Variants in RANBP2 observed in about 807,000 individuals in gnomAD.
RANBP2 encodes E3 SUMO-protein ligase RanBP2.
Under a neutral mutation model 303.6 loss-of-function variants are expected in RANBP2, and 57 were observed. That is an observed-to-expected ratio of 0.19 (90% CI 0.15 to 0.23). The LOEUF is 0.23. Ranked by LOEUF, RANBP2 falls within the 10% of genes least tolerant of loss-of-function variation. The pLI is 1.00. For missense variants in RANBP2, 3,138 were observed against 3,780.8 expected (o/e 0.83, Z 4.46); for synonymous variants, 1,167 against 1,301.5 (o/e 0.90, Z 2.23).
intron 6 of RANBP2, among the ~76,000 whole-genome samples, chr2:108,737,320 T>C (rs1695668858): frequency 6.8e-6 from 1 of 147,218 alleles, no homozygotes; most frequent in African/African-American, 2.6e-5. Context: ...GGTTCCTTTT[T>C]TTCTTTCTTT....
chr2:108,958,971 G>A, the RANBP2 span, among the ~76,000 whole-genome samples: 1 of 152,346 alleles, frequency 6.6e-6, no homozygotes, highest in Non-Finnish European at 1.5e-5. Context: ...TCCTCAAGAA[G>A]TGGCCTCCAT....
At chr2:108,728,595 T>TATGATGGTGATG (rs148282033) in intron 1 of RANBP2, among the ~76,000 whole-genome samples, 2 of 145,614 alleles carry the variant, frequency 1.4e-5, no homozygotes, top group African/African-American at 5.1e-5. Flanking sequence ...CCAGCTTATT[T>TATGATGGTGATG]ATGATGATGA....
chr2:108,955,730 T>A, the RANBP2 span, among the ~76,000 whole-genome samples: 1 of 149,048 alleles, frequency 6.7e-6, no homozygotes, highest in Non-Finnish European at 1.5e-5. Flanking sequence ...TACAATAACA[T>A]AAAATAAAAT....
At chr2:109,577,079 T>C in the RANBP2 span, among the ~76,000 whole-genome samples, 1 of 151,660 alleles carries the variant, frequency 6.6e-6, no homozygotes, top group South Asian at 2.1e-4. Flanking sequence ...TTAAAAGCAT[T>C]AGAGGAAAAA....
At chr2:109,213,269 C>T in the RANBP2 span, among the ~76,000 whole-genome samples, 1 of 152,322 alleles carries the variant, frequency 6.6e-6, no homozygotes, top group East Asian at 1.9e-4. Context: ...GGCTCTTCCT[C>T]CCTCTTTGCC....
chr2:109,395,749 G>A, the RANBP2 span, among the ~76,000 whole-genome samples: 1 of 152,228 alleles, frequency 6.6e-6, no homozygotes. Flanking sequence ...GAGGGGCCAG[G>A]CACTGTGCTT....
the RANBP2 span, among the ~76,000 whole-genome samples, chr2:109,027,235 T>C: frequency 8.0e-6 from 1 of 125,460 alleles, no homozygotes; most frequent in Admixed American, 9.0e-5. Context: ...AGAGTGAGGC[T>C]CTGTCTCAAA....
At chr2:109,248,884 C>G in the RANBP2 span, among the ~76,000 whole-genome samples, 1 of 81,394 alleles carries the variant, frequency 1.2e-5, no homozygotes, top group Non-Finnish European at 2.5e-5. Flanking sequence ...CCTTTCCTGT[C>G]CTTTCCTGTC....
At chr2:108,788,483 C>T (rs1457444844), downstream of RANBP2, among the ~76,000 whole-genome samples, 2 of 151,040 alleles carry the variant, frequency 1.3e-5, no homozygotes, top group African/African-American at 2.4e-5. Flanking sequence ...CTTTGGGAGG[C>T]GAGGCGGGCG....
chr2:108,986,045 C>G, the RANBP2 span, among the ~76,000 whole-genome samples: 1 of 152,194 alleles, frequency 6.6e-6, no homozygotes, highest in African/African-American at 2.4e-5. Context: ...GTCAGCTATC[C>G]TTGGGTAATG....
chr2:109,036,447 T>C, the RANBP2 span, among the ~76,000 whole-genome samples: 3 of 152,238 alleles, frequency 2.0e-5, no homozygotes, highest in Admixed American at 6.5e-5. Flanking sequence ...AACAAAATTT[T>C]GTAAACCTAA....
At chr2:109,034,493 G>C in the RANBP2 span, among the ~76,000 whole-genome samples, 1 of 152,162 alleles carries the variant, frequency 6.6e-6, no homozygotes, top group Non-Finnish European at 1.5e-5. Context: ...GCTATGGCAA[G>C]AGAGGCGAAG....
chr2:109,312,690 GT>G, the RANBP2 span, among the ~76,000 whole-genome samples: 1 of 152,214 alleles, frequency 6.6e-6, no homozygotes, highest in East Asian at 1.9e-4. Context: ...GGATCATAGA[GT>G]ATATCAGAAT....
At chr2:109,089,542 G>A in the RANBP2 span, among the ~76,000 whole-genome samples, 1 of 152,108 alleles carries the variant, frequency 6.6e-6, no homozygotes, top group African/African-American at 2.4e-5. Context: ...GGAGTTCAAA[G>A]CTTCAGTGAG....
At chr2:109,188,501 T>C in the RANBP2 span, among the ~76,000 whole-genome samples, 1 of 152,186 alleles carries the variant, frequency 6.6e-6, no homozygotes, top group South Asian at 2.1e-4. Context: ...TGGGTTTGGC[T>C]CTTGGTCTGG....
chr2:109,022,903 T>C, the RANBP2 span, among the ~76,000 whole-genome samples: 1 of 151,870 alleles, frequency 6.6e-6, no homozygotes, highest in Non-Finnish European at 1.5e-5. Flanking sequence ...ATACAAAAAT[T>C]ACCCGGGCGT....
At chr2:109,420,831 C>T in the RANBP2 span, among the ~76,000 whole-genome samples, 1 of 152,218 alleles carries the variant, frequency 6.6e-6, no homozygotes, top group Admixed American at 6.5e-5. Context: ...GCTGCTGGCA[C>T]ACACTCACCC....
the RANBP2 span, among the ~76,000 whole-genome samples, chr2:109,151,311 T>G: frequency 8.5e-5 from 13 of 152,176 alleles, no homozygotes; most frequent in Non-Finnish European, 1.3e-4. Flanking sequence ...AATTTTTTCC[T>G]TCCTGGAAAT....
chr2:109,649,148 G>A, the RANBP2 span, among the ~76,000 whole-genome samples: 178 of 152,110 alleles, frequency 1.2e-3, no homozygotes, highest in African/African-American at 4.0e-3. Flanking sequence ...TTGCAAACTA[G>A]GAAATAAACA....
Sources: gnomAD v4.1 joint callset for allele counts (sites outside exome capture counted in the v4.1 genomes callset) on GRCh38, gnomAD v4.1.1 for gene constraint, MANE v1.5 for transcripts, NCBI Gene and HGNC (gene_info 2026-07-23, HGNC 2026-07-21) for gene names.